PGCKA1: variants seen among roughly 807,000 people sequenced by gnomAD.
PGCKA1 encodes PDCD10 and GCKIII kinases-associated protein 1.
At chr4:37,588,156 G>A in the PGCKA1 span, 2 of 152,382 alleles carry the variant, frequency 1.3e-5, no homozygotes, top group African/African-American at 4.8e-5. Context: ...GAGGGGTCAG[G>A]GAACAGTGGG....
the PGCKA1 span, among the ~76,000 whole-genome samples, chr4:37,580,245 T>C: frequency 6.6e-6 from 1 of 152,248 alleles, no homozygotes; most frequent in African/African-American, 2.4e-5. Flanking sequence ...AGAAAAGTCA[T>C]ATATCTCTGT....
chr4:37,552,163 C>G, the PGCKA1 span, among the ~76,000 whole-genome samples: 53,656 of 152,080 alleles, frequency 0.35, 9,722 homozygotes, highest in East Asian at 0.53. Flanking sequence ...TGACTTAGAA[C>G]CCAATGTTAC....
the PGCKA1 span, among the ~76,000 whole-genome samples, chr4:37,482,858 A>T: frequency 3.9e-5 from 6 of 152,326 alleles, no homozygotes; most frequent in South Asian, 1.2e-3. Flanking sequence ...AGGGGCCAAC[A>T]TACAGCTTAG....
chr4:37,481,162 T>C, the PGCKA1 span, among the ~76,000 whole-genome samples: 4 of 152,210 alleles, frequency 2.6e-5, no homozygotes, highest in African/African-American at 9.6e-5. Context: ...TAAGATGGGC[T>C]TTTTTTATTT....
At chr4:37,559,805 C>T in the PGCKA1 span, among the ~76,000 whole-genome samples, 1 of 152,122 alleles carries the variant, frequency 6.6e-6, no homozygotes, top group African/African-American at 2.4e-5. Context: ...TTTGTCCGAA[C>T]TTGCATTATA....
the PGCKA1 span, among the ~76,000 whole-genome samples, chr4:37,456,024 A>G: frequency 6.6e-6 from 1 of 152,142 alleles, no homozygotes; most frequent in African/African-American, 2.4e-5. Flanking sequence ...TTAAATAGTA[A>G]CTAGTACCTA....
At chr4:37,524,277 A>G in the PGCKA1 span, among the ~76,000 whole-genome samples, 7 of 152,244 alleles carry the variant, frequency 4.6e-5, no homozygotes, top group Non-Finnish European at 7.3e-5. Context: ...GATAGTTTGT[A>G]TGGATCAGGA....
At chr4:37,587,081 C>T in the PGCKA1 span, among the ~76,000 whole-genome samples, 1 of 152,134 alleles carries the variant, frequency 6.6e-6, no homozygotes, top group Admixed American at 6.5e-5. Flanking sequence ...TCTGTTCCTT[C>T]CCTCTTCCAG....
At chr4:37,587,170 C>T in the PGCKA1 span, among the ~76,000 whole-genome samples, 1 of 152,108 alleles carries the variant, frequency 6.6e-6, no homozygotes, top group African/African-American at 2.4e-5. Context: ...GCCTCTTCCT[C>T]TTCTGTCTAT....
chr4:37,485,431 T>C, the PGCKA1 span, among the ~76,000 whole-genome samples: 5 of 152,172 alleles, frequency 3.3e-5, no homozygotes, highest in African/African-American at 1.2e-4. Context: ...CTCCCTTCCC[T>C]TCTCTGTCAC....
At chr4:37,572,339 T>C in the PGCKA1 span, among the ~76,000 whole-genome samples, 1 of 152,196 alleles carries the variant, frequency 6.6e-6, no homozygotes, top group Non-Finnish European at 1.5e-5. Context: ...GTGCTGGGAT[T>C]ACAGGCGTGA....
At chr4:37,568,666 C>T in the PGCKA1 span, among the ~76,000 whole-genome samples, 1 of 152,218 alleles carries the variant, frequency 6.6e-6, no homozygotes, top group Non-Finnish European at 1.5e-5. Context: ...TTGCGAAGAG[C>T]TAGTTCACAA....
the PGCKA1 span, chr4:37,590,096 T>C: frequency 6.2e-7 from 1 of 1,612,008 alleles, no homozygotes; most frequent in Non-Finnish European, 8.5e-7. Context: ...AGCTATCTCT[T>C]TGATCCAGTT....
chr4:37,460,511 C>A, the PGCKA1 span: 1 of 449,120 alleles, frequency 2.2e-6, no homozygotes, highest in Admixed American at 2.4e-5. Context: ...TGTTTCTTGA[C>A]TTTTTAATAA....
chr4:37,478,694 G>A, the PGCKA1 span, among the ~76,000 whole-genome samples: 2,650 of 152,268 alleles, frequency 0.017, 81 homozygotes, highest in African/African-American at 0.059. Context: ...ATAACAAGAC[G>A]TGCTGTTGTC....
At chr4:37,539,385 G>A in the PGCKA1 span, among the ~76,000 whole-genome samples, 6 of 152,190 alleles carry the variant, frequency 3.9e-5, no homozygotes, top group African/African-American at 9.7e-5. Flanking sequence ...AGCCGGGCGC[G>A]GTGGCTCACA....
the PGCKA1 span, among the ~76,000 whole-genome samples, chr4:37,530,879 G>C: frequency 2.6e-5 from 4 of 151,782 alleles, no homozygotes; most frequent in Admixed American, 6.6e-5. Flanking sequence ...CAGCTACTTG[G>C]GAGGCCAAGG....
chr4:37,541,848 A>T, the PGCKA1 span, among the ~76,000 whole-genome samples: 1 of 152,128 alleles, frequency 6.6e-6, no homozygotes, highest in African/African-American at 2.4e-5. Flanking sequence ...GAGCCAGGAA[A>T]TGAGACATGG....
chr4:37,530,724 C>G, the PGCKA1 span, among the ~76,000 whole-genome samples: 1 of 151,980 alleles, frequency 6.6e-6, no homozygotes, highest in African/African-American at 2.4e-5. Context: ...CGCCTGTAAG[C>G]CCAGCACTTT....
Sources: gnomAD v4.1 joint callset for allele counts (sites outside exome capture counted in the v4.1 genomes callset) on GRCh38, gnomAD v4.1.1 for gene constraint, MANE v1.5 for transcripts, NCBI Gene and HGNC (gene_info 2026-07-23, HGNC 2026-07-21) for gene names.